The following EXOC4 variants were observed in gnomAD, a reference collection of about 807,000 sequenced individuals.
The protein encoded by EXOC4 is SEC8-like 1.
In EXOC4, 71 loss-of-function variants were observed where a neutral mutation model predicts 107.2. That is an observed-to-expected ratio of 0.66 (90% CI 0.55 to 0.81). The LOEUF is 0.81. Among genes scored for constraint, EXOC4 ranks in the 30% least tolerant of loss-of-function variants. The pLI, the probability that EXOC4 is intolerant of heterozygous loss-of-function variation, is 0.00. For missense variants in EXOC4, 1,108 were observed against 1,189.6 expected (o/e 0.93, Z 1.01); for synonymous variants, 456 against 441.2 (o/e 1.03, Z -0.42).
At chr7:134,093,761 A>G in the EXOC4 span, among the ~76,000 whole-genome samples, 1 of 152,198 alleles carries the variant, frequency 6.6e-6, no homozygotes, top group African/African-American at 2.4e-5. Flanking sequence ...AGAAATCAAT[A>G]CCAAGAAGAT....
intron 10 of EXOC4, among the ~76,000 whole-genome samples, chr7:133,750,371 C>G (rs553173026): frequency 6.6e-6 from 1 of 152,172 alleles, no homozygotes; most frequent in Admixed American, 6.6e-5. Context: ...CTTAATAGGT[C>G]TTACACTCTT....
chr7:133,413,140 C>T (rs567358552), intron 7 of EXOC4, among the ~76,000 whole-genome samples: 13 of 152,216 alleles, frequency 8.5e-5, no homozygotes, highest in South Asian at 6.2e-4. Context: ...CAATTCAAAG[C>T]GGAGAGCTCC....
intron 10 of EXOC4, among the ~76,000 whole-genome samples, chr7:133,738,750 T>G (rs1476218732): frequency 6.6e-6 from 1 of 152,198 alleles, no homozygotes; most frequent in African/African-American, 2.4e-5. Context: ...ATGTTACATC[T>G]CCAAGGATAC....
intron 1 of EXOC4, among the ~76,000 whole-genome samples, chr7:133,261,363 C>T (rs745853786): frequency 7.3e-5 from 11 of 151,540 alleles, no homozygotes; most frequent in Non-Finnish European, 1.3e-4. Flanking sequence ...GCCTCCCAGG[C>T]TCAGGTGATC....
At chr7:133,538,641 C>T (rs1452887227) in intron 9 of EXOC4, among the ~76,000 whole-genome samples, 2 of 151,830 alleles carry the variant, frequency 1.3e-5, no homozygotes, top group African/African-American at 4.8e-5. Context: ...CAAAGTAAGA[C>T]CTTTGTTTCT....
intron 2 of EXOC4, among the ~76,000 whole-genome samples, chr7:133,285,675 T>A (rs1198777896): frequency 1.3e-5 from 2 of 152,158 alleles, no homozygotes; most frequent in African/African-American, 2.4e-5. Flanking sequence ...TGACTTCCAT[T>A]TTCTTGAGCA....
intron 10 of EXOC4, among the ~76,000 whole-genome samples, chr7:133,665,636 G>C (rs1250345854): frequency 3.3e-5 from 5 of 152,064 alleles, no homozygotes; most frequent in African/African-American, 1.2e-4. Flanking sequence ...CAGATATTCA[G>C]AACACTTTTT....
intron 9 of EXOC4, among the ~76,000 whole-genome samples, chr7:133,600,026 A>G (rs1053887422): frequency 1.5e-4 from 23 of 148,674 alleles, no homozygotes; most frequent in Non-Finnish European, 3.3e-4. Flanking sequence ...TCAGCCTCCC[A>G]GGTAGCTGGG....
At chr7:133,505,223 C>T (rs1799645725) in intron 9 of EXOC4, among the ~76,000 whole-genome samples, 1 of 152,036 alleles carries the variant, frequency 6.6e-6, no homozygotes, top group African/African-American at 2.4e-5. Context: ...TGAATATCTT[C>T]TATCTGCTTT....
At chr7:133,308,633 A>C (rs2150571373) in intron 4 of EXOC4, among the ~76,000 whole-genome samples, 2 of 152,334 alleles carry the variant, frequency 1.3e-5, no homozygotes, top group Middle Eastern at 6.8e-3. Context: ...CAATAATTAG[A>C]GTATAAATAA....
At chr7:133,782,287 C>T (rs1585141216) in intron 10 of EXOC4, among the ~76,000 whole-genome samples, 1 of 152,152 alleles carries the variant, frequency 6.6e-6, no homozygotes, top group East Asian at 1.9e-4. Context: ...ATTCAGGGAT[C>T]CAAAGTAGCT....
At chr7:134,047,472 C>G (rs528755478) in intron 17 of EXOC4, among the ~76,000 whole-genome samples, 1 of 152,230 alleles carries the variant, frequency 6.6e-6, no homozygotes, top group Non-Finnish European at 1.5e-5. Flanking sequence ...ATGTATTTGC[C>G]TATGGTTAAT....
At chr7:133,835,970 C>T (rs1264691282) in intron 11 of EXOC4, among the ~76,000 whole-genome samples, 1 of 152,104 alleles carries the variant, frequency 6.6e-6, no homozygotes, top group Non-Finnish European at 1.5e-5. Context: ...AATTAATTGC[C>T]TTAGTGCTAG....
At chr7:133,957,425 A>G (rs977419732) in intron 14 of EXOC4, among the ~76,000 whole-genome samples, 1 of 152,226 alleles carries the variant, frequency 6.6e-6, no homozygotes, top group African/African-American at 2.4e-5. Flanking sequence ...CTTTTGAATA[A>G]CTGTAGTCTT....
At chr7:133,413,845 G>T (rs1423611298) in intron 7 of EXOC4, among the ~76,000 whole-genome samples, 1 of 152,114 alleles carries the variant, frequency 6.6e-6, no homozygotes, top group Admixed American at 6.6e-5. Flanking sequence ...TGACTGATCA[G>T]TGAAGGGGGT....
intron 5 of EXOC4, among the ~76,000 whole-genome samples, chr7:133,353,574 CT>C (rs1351074448): frequency 1.3e-5 from 2 of 152,046 alleles, no homozygotes; most frequent in Admixed American, 1.3e-4. Flanking sequence ...AAGATTCTCT[CT>C]TTGTATTTTG....
chr7:133,280,464 A>T (rs1296491120), intron 2 of EXOC4, among the ~76,000 whole-genome samples: 1 of 152,132 alleles, frequency 6.6e-6, no homozygotes, highest in Non-Finnish European at 1.5e-5. Context: ...GAATGAGATG[A>T]CCTCAGATTT....
intron 12 of EXOC4, among the ~76,000 whole-genome samples, chr7:133,903,092 C>T (rs530685224): frequency 5.9e-5 from 9 of 152,156 alleles, no homozygotes; most frequent in Non-Finnish European, 1.3e-4. Flanking sequence ...GGAGGCAGGA[C>T]GCTCCGGGAC....
At chr7:133,535,748 A>G (rs1266356948) in intron 9 of EXOC4, among the ~76,000 whole-genome samples, 1 of 149,884 alleles carries the variant, frequency 6.7e-6, no homozygotes, top group African/African-American at 2.6e-5. Flanking sequence ...ATACATATCT[A>G]TCCTCCACAC....
Sources: allele counts gnomAD v4.1 joint callset (sites outside exome capture counted in the v4.1 genomes callset), GRCh38; gene constraint gnomAD v4.1.1; transcripts MANE v1.5; gene names NCBI Gene and HGNC (gene_info 2026-07-23, HGNC 2026-07-21).